The following NAGK variants were observed in gnomAD, a reference collection of about 807,000 sequenced individuals.
NAGK encodes the protein N-acetyl-D-glucosamine kinase.
In NAGK, 35 loss-of-function variants were observed where a neutral mutation model predicts 42.9. The observed-to-expected ratio is 0.82, with a 90% confidence interval of 0.62 to 1.08. The LOEUF is 1.08. Among genes scored for constraint, NAGK ranks in the 50% least tolerant of loss-of-function variants. The probability of loss-of-function intolerance (pLI) is 0.00; values close to 1 mark genes in which losing one functional copy is unlikely to be tolerated. For missense variants in NAGK, 446 were observed against 446.0 expected (o/e 1.00, Z 0.00); for synonymous variants, 172 against 176.0 (o/e 0.98, Z 0.18).
chr2:71,072,746 G>A lies in NAGK; in HGVS notation c.461G>A (p.Gly154Asp). The change falls in exon 5 of 10, where the codon GGT (glycine) becomes GAT (aspartate). Residue 154 changes from glycine to aspartate, a missense_variant. By Grantham distance (94) the Gly-to-Asp change is moderately conservative. Transcript: ENST00000244204. ...TGGGGCCATATGATGGGTGATGAGG[G>A]TTCAGGTGAGCTCACTGACTGGCCC... ...GGWGHMMGDEGSAYWIAHQAV... is the reference protein window; with the variant it reads ...GGWGHMMGDEDSAYWIAHQAV... 6.2e-7 allele frequency: 1 copy of A among 1,613,292 alleles called. No individual in the cohort carries two copies. Among genetic ancestry groups the A allele is most frequent in the Non-Finnish European group, 8.5e-7 (1 of 1,179,426 alleles).
intron 9 of NAGK, 24 bp downstream of exon 9, chr2:71,077,660 G>C (rs1399191944): frequency 6.3e-7 from 1 of 1,589,770 alleles, no homozygotes; most frequent in Non-Finnish European, 8.6e-7. Flanking sequence ...GAGGCTGGAA[G>C]GGCAAGGGCA....
chr2:71,070,924 G>A, intron 3 of NAGK, 85 bp downstream of exon 3: 5 of 1,362,580 alleles, frequency 3.7e-6, no homozygotes, highest in Non-Finnish European at 5.2e-6. Context: ...TTTGATGACT[G>A]CAGAGGGAAA....
chr2:71,076,533 G>C, intron 7 of NAGK, 71 bp from the exon 8 acceptor site: 2 of 1,273,142 alleles, frequency 1.6e-6, no homozygotes, highest in Non-Finnish European at 2.2e-6. Context: ...TTGCAACAGA[G>C]AGAGGATAGC....
At chr2:71,070,425 C>A in intron 1 of NAGK, 77 bp from the exon 2 acceptor site, 2 of 1,260,280 alleles carry the variant, frequency 1.6e-6, no homozygotes, top group South Asian at 1.3e-5. Context: ...CTGGGCTCTG[C>A]CAGTGTGGAC....
At chr2:71,069,225 T>A (rs1023031732) in intron 1 of NAGK, 1 of 437,942 alleles carries the variant, frequency 2.3e-6, no homozygotes, top group African/African-American at 2.1e-5. Context: ...TCCATGCTGC[T>A]TTCACTAGAT....
At position 71,070,524 on chromosome 2, in the gene NAGK, CT is replaced by C; in HGVS notation, c.56del (p.Leu19Ter). 1 of 1,614,014 alleles carries C rather than the reference CT, an allele frequency of 6.2e-7. No individual in the cohort carries two copies. The highest frequency in any genetic ancestry group is 8.5e-7 in the Non-Finnish European group (1 of 1,179,950). Reference sequence around the variant, plus strand: ...TAGGGGAGGCACACGATCCGAGGTCCTTTTAGTCTCAGAGGATGGGAAGATC... The same window carrying C: ...TAGGGGAGGCACACGATCCGAGGTCCTTTAGTCTCAGAGGATGGGAAGATC... The part of the protein sequence containing the change: ...VEGGGTRSEV[L>X]LVSEDGKILA... On this transcript the variant is annotated frameshift_variant, in exon 2 of 10. Transcript: ENST00000244204. LOFTEE classifies it high-confidence loss of function.
In NAGK at chr2:71,077,560, C is replaced by G. The variant is rs769283035; in HGVS notation, c.768C>G (p.Val256=). ...IVAVLPEIDP[V]LFQGKIGLPI... ...TCCATTTTCTGCTCTCCACCCAGGT[C>G]TTGTTCCAGGGCAAGATTGGACTCC... Residue 256 remains valine, a splice_region_variant and synonymous_variant, in exon 9 of 10, where the codon GTC becomes GTG. Coordinates refer to ENST00000244204, the MANE Select transcript of NAGK (RefSeq NM_017567.6). 4.4e-6 allele frequency: 7 copies of G among 1,606,658 alleles called. No homozygotes were observed. Among genetic ancestry groups the G allele is most frequent in the Middle Eastern group, 1.7e-4 (1 of 6,042 alleles).
upstream of NAGK, chr2:71,068,553 C>T: frequency 1.3e-6 from 2 of 1,484,994 alleles, no homozygotes; most frequent in Non-Finnish European, 1.8e-6. Context: ...CGCATGCGCA[C>T]GCGCACAGGG....
Position 71,078,463 on chromosome 2 carries a change from C to A in NAGK, c.990C>A (p.Asp330Glu). 1 of 1,607,042 alleles carries A rather than the reference C, an allele frequency of 6.2e-7. No individual in the cohort carries two copies. Among genetic ancestry groups the A allele is most frequent in the Non-Finnish European group, 8.5e-7 (1 of 1,176,470 alleles). Residue 330 changes from aspartate (D) to glutamate (E), a missense_variant, in exon 10 of 10, where the codon GAC becomes GAA. By Grantham distance (45) the Asp-to-Glu change is conservative. Coordinates refer to ENST00000244204, the MANE Select transcript of NAGK (RefSeq NM_017567.6). Reference sequence around the variant, plus strand: ...ACATCGGGCACCTCCTCCCCATGGACTATAGCGCCAATGCCATTGCCTTCT... The same window carrying A: ...ACATCGGGCACCTCCTCCCCATGGAATATAGCGCCAATGCCATTGCCTTCT... ...ARHIGHLLPM[D>E]YSANAIAFYS...
intron 1 of NAGK, 34 bp downstream of exon 1, chr2:71,068,746 G>A: frequency 1.4e-6 from 2 of 1,448,508 alleles, no homozygotes; most frequent in Admixed American, 3.3e-5. Context: ...GCCTGGGCCC[G>A]AAGGCGGGGC....
intron 1 of NAGK, chr2:71,069,289 C>G (rs919352082): frequency 5.7e-6 from 1 of 175,998 alleles, no homozygotes; most frequent in Non-Finnish European, 1.1e-5. Flanking sequence ...TAGCTCTGCC[C>G]CTGGGTATGA....
chr2:71,070,898 G>A, intron 3 of NAGK, 59 bp downstream of exon 3: 2 of 1,549,062 alleles, frequency 1.3e-6, no homozygotes, highest in Non-Finnish European at 1.8e-6. Context: ...CAGCTAGCAA[G>A]TTTGGACTAG....
At chr2:71,072,843 C>A in intron 5 of NAGK, 92 bp downstream of exon 5, 1 of 1,179,992 alleles carries the variant, frequency 8.5e-7, no homozygotes, top group Non-Finnish European at 1.2e-6. Context: ...TCACTGAGCC[C>A]TTGGGGCTTC....
At chr2:71,072,813 T>G in intron 5 of NAGK, 62 bp downstream of exon 5, 1 of 1,458,060 alleles carries the variant, frequency 6.9e-7, no homozygotes, top group Middle Eastern at 1.7e-4. Context: ...ACTCCCTGTC[T>G]TTCTCTCCTT....
Position 71,071,864 on chromosome 2 carries a change from G to GT in NAGK, c.355+44dup, listed in dbSNP as rs748181870. The GT allele has an allele frequency of 4.3e-5, 69 of 1,609,426 alleles. No homozygotes were observed. In the Middle Eastern group the frequency reaches 2.0e-3, roughly 46 times the overall value. ...GAGGGAGGGGTGAGAGTGAGAACTG[G>GT]TTTTTTTGGGAAAGCCCCTTAGATA... is the stretch of plus-strand genomic sequence containing the variant. On this transcript the variant is annotated intron_variant, in intron 4 of 9. Transcript: ENST00000244204.
rs1393267045 is a variant in NAGK, at chr2:71,078,513, C to T, written c.*5C>T. The T allele has an allele frequency of 2.0e-6, 3 of 1,513,242 alleles. No homozygotes were observed. The highest frequency in any genetic ancestry group is 1.8e-6 in the Non-Finnish European group (2 of 1,124,020). The allele number at this position is 1,513,242 out of a possible 1,614,324, so 93.7% of individuals were successfully genotyped here. A position where few individuals can be genotyped will look rare whatever the true frequency, so the allele number is the denominator to read the frequency against. On this transcript the variant is annotated 3_prime_UTR_variant, in exon 10 of 10. Transcript: ENST00000244204. Reference sequence around the variant, plus strand: ...TATTCCTACACCTTTTCCTAGGGGGCTGGTCCCGGCTCCACCCCCTCCAAG... The same window carrying T: ...TATTCCTACACCTTTTCCTAGGGGGTTGGTCCCGGCTCCACCCCCTCCAAG...
intron 6 of NAGK, 123 bp downstream of exon 6, chr2:71,073,717 G>T: frequency 1.2e-6 from 1 of 821,044 alleles, no homozygotes; most frequent in South Asian, 1.4e-5. Flanking sequence ...TTGTGGGTCT[G>T]AGTTGCAGGG....
At chr2:71,069,479 G>A (rs1378666823) in intron 1 of NAGK, 2 of 152,140 alleles carry the variant, frequency 1.3e-5, no homozygotes, top group Non-Finnish European at 2.9e-5. Flanking sequence ...TTTCGAATCT[G>A]TGATTGTTTT....
Position 71,072,451 on chromosome 2 carries a change from A to G in NAGK, c.356-190A>G, listed in dbSNP as rs1015642248. On this transcript the variant is annotated intron_variant, in intron 4 of 9. Coordinates refer to ENST00000244204, the MANE Select transcript of NAGK (RefSeq NM_017567.6). Reference sequence around the variant, plus strand: ...TCCCCCTAGACGAGGGCGTTATGGGATTAGAGTTTTTCTGAGACCCAGGCT... The same window carrying G: ...TCCCCCTAGACGAGGGCGTTATGGGGTTAGAGTTTTTCTGAGACCCAGGCT... 4.0e-5 allele frequency: 22 copies of G among 555,376 alleles called. No homozygotes were observed. The African/African-American group carries it at 4.0e-4, about 10-fold the overall frequency. 34.4% of individuals were successfully genotyped at this position (555,376 alleles called of 1,614,324 possible).
Sources: allele counts gnomAD v4.1 joint callset, GRCh38; gene constraint gnomAD v4.1.1; transcripts MANE v1.5; gene names NCBI Gene and HGNC (gene_info 2026-07-23, HGNC 2026-07-21).